The following MICALL2 variants were observed in gnomAD, a reference collection of about 807,000 sequenced individuals.
MICALL2 encodes the protein MICAL like 2, also known as MICAL-like protein 2.
In MICALL2, 111 loss-of-function variants were observed where a neutral mutation model predicts 91.1. The observed-to-expected ratio is 1.22, with a 90% CI of 1.04 to 1.43. MICALL2 has a LOEUF of 1.43. Ranked by LOEUF, MICALL2 falls within the 40% of genes most tolerant of loss-of-function variation. The pLI is 0.00. For missense variants in MICALL2, 1,556 were observed against 1,236.0 expected, an observed-to-expected ratio of 1.26 and a Z score of -3.88; for synonymous variants, 694 against 525.3, an observed-to-expected ratio of 1.32 and a Z score of -4.39.
rs1780740906 is a variant in MICALL2 at position 1,449,480 on chromosome 7, T to C, written c.193-719A>G. 2.0e-5 allele frequency among the ~76,000 whole-genome samples: 3 copies of C among 152,202 alleles called. No individual in the cohort carries two copies. In the South Asian group the frequency reaches 6.2e-4, roughly 31 times the overall value. ...GCGCACCACCACGCCCCACTAATTT[T>C]TGGTATTTTTAGTAGAGACGAGGTT... On this transcript the variant is annotated intron_variant, in intron 2 of 16. Transcript: ENST00000297508.
chr7:1,456,819 C>T (rs1305144486), intron 1 of MICALL2, among the ~76,000 whole-genome samples: 1 of 151,908 alleles, frequency 6.6e-6, no homozygotes, highest in African/African-American at 2.4e-5. Context: ...CATGTCCCCA[C>T]ACCCTGGTGC....
Position 1,446,790 on chromosome 7 carries a change from G to A in MICALL2, c.564C>T (p.Cys188=), listed in dbSNP as rs372113728. The A allele has an allele frequency of 1.0e-5, 16 of 1,606,122 alleles. No individual in the cohort carries two copies. The highest frequency in any genetic ancestry group is 6.7e-5 in the East Asian group (3 of 44,710). The change falls in exon 5 of 17, where the codon TGC becomes TGT. Residue 188 remains cysteine (C), a synonymous_variant. Transcript: ENST00000297508. ...GGTGCACGTGCTTGCCGCAGACCCC[G>A]CAGGTGCTGCTGACCAAGCTGCCCG... ...ALAGSLVSST[C]GVCGKHVHLV...
intron 15 of MICALL2, among the ~76,000 whole-genome samples, chr7:1,435,893 T>C (rs949255366): frequency 2.0e-5 from 3 of 150,706 alleles, no homozygotes; most frequent in Admixed American, 6.6e-5. Flanking sequence ...CTACTAAAAA[T>C]CTAAAAAAAT....
chr7:1,436,634 T>A, intron 15 of MICALL2, 108 bp downstream of exon 15: 18 of 624,598 alleles, frequency 2.9e-5, no homozygotes, highest in Non-Finnish European at 3.8e-5. Context: ...GCATAGACAA[T>A]AACCGCCTGG....
At position 1,439,007 on chromosome 7, in the gene MICALL2, T is replaced by C. The variant is rs1295925018; in HGVS notation, c.1967-12A>G. The stretch of plus-strand genomic sequence containing the variant: ...GGAGGGGGACCTGGCTGCCCCCAGG[T>C]GGGGAGACAGAGCCACGCTTCAGAG... On this transcript the variant is annotated splice_polypyrimidine_tract_variant and intron_variant, in intron 9 of 16. Coordinates refer to ENST00000297508, the MANE Select transcript of MICALL2 (RefSeq NM_182924.4). The C allele has an allele frequency of 6.3e-7, 1 of 1,584,982 alleles. No individual in the cohort carries two copies. Among genetic ancestry groups the C allele is most frequent in the Non-Finnish European group, 8.5e-7 (1 of 1,169,846 alleles).
chr7:1,448,741 C>T lies in MICALL2; in HGVS notation c.213G>A (p.Glu71=), dbSNP rs1368136572. 3 of 1,612,738 alleles carry T rather than the reference C, an allele frequency of 1.9e-6. No individual in the cohort carries two copies. The South Asian group carries it at 3.3e-5, about 18-fold the overall frequency. The change falls in exon 3 of 17, where the codon GAG becomes GAA. Residue 71 remains glutamate (E), a synonymous_variant. Transcript: ENST00000297508. ...NNKLAFRVAE[E]HLGIPALLDA... is the part of the protein sequence containing the mutation. ...CCAGCAAGGCTGGGATGCCCAAGTG[C>T]TCCTCGGCCACGCGGAAGGCCTGCG...
chr7:1,437,817 G>A (rs946176944), intron 13 of MICALL2, 73 bp downstream of exon 13: 8 of 1,411,982 alleles, frequency 5.7e-6, no homozygotes, highest in Non-Finnish European at 7.8e-6. Flanking sequence ...CTGCGCTCCT[G>A]TCCCCCGCCT....
intron 15 of MICALL2, 58 bp downstream of exon 15, chr7:1,436,684 G>T (rs984145851): frequency 1.2e-5 from 16 of 1,347,516 alleles, no homozygotes; most frequent in Non-Finnish European, 1.6e-5. Context: ...TGAGGGCCGG[G>T]AGCATGGACC....
chr7:1,437,187 G>T (rs991059330), intron 14 of MICALL2: 4 of 484,400 alleles, frequency 8.3e-6, no homozygotes, highest in Admixed American at 4.1e-5. Flanking sequence ...CTCAGCCAGG[G>T]CACCCTGCAT....
Position 1,444,830 on chromosome 7 carries a change from G to A in MICALL2, c.1240C>T (p.Gln414Ter), listed in dbSNP as rs776971291. ...TGGAAAAACTTATTCCGGGCCTGCT[G>A]GGTCCTGGAGGCGGACGGGGTCCAG... ...PAWTPSASRT[Q>*]QARNKFFQTS... is the part of the protein sequence containing the mutation. The change falls in exon 6 of 17, where the codon CAG becomes TAG. Residue 414 changes from glutamine to a stop codon, truncating the protein, a stop_gained. Coordinates refer to ENST00000297508, the MANE Select transcript of MICALL2 (RefSeq NM_182924.4). LOFTEE classifies it high-confidence loss of function. 4.8e-5 allele frequency: 77 copies of A among 1,609,280 alleles called. No homozygotes were observed. Among genetic ancestry groups the A allele is most frequent in the East Asian group, 6.7e-5 (3 of 44,836 alleles).
intron 9 of MICALL2, chr7:1,439,715 C>T: frequency 2.3e-6 from 1 of 439,794 alleles, no homozygotes; most frequent in Non-Finnish European, 3.9e-6. Flanking sequence ...TGGATACAGG[C>T]ATCACATACA....
chr7:1,453,748 T>A (rs373281457), intron 1 of MICALL2, among the ~76,000 whole-genome samples: 1 of 152,062 alleles, frequency 6.6e-6, no homozygotes, highest in Non-Finnish European at 1.5e-5. Context: ...AATCTTCTCT[T>A]ATTTGAAGCC....
intron 7 of MICALL2, 67 bp downstream of exon 7, chr7:1,442,125 T>C (rs1780311144): frequency 1.9e-6 from 3 of 1,550,566 alleles, no homozygotes; most frequent in Admixed American, 3.5e-5. Context: ...CACTGCAGAG[T>C]GCGGCCAGGG....
chr7:1,446,531 A>C, intron 5 of MICALL2, 182 bp downstream of exon 5: 1 of 499,194 alleles, frequency 2.0e-6, no homozygotes. Flanking sequence ...GGAGAAGGGG[A>C]GGAGAGGGGA....
intron 8 of MICALL2, 168 bp from the exon 9 acceptor site, chr7:1,440,253 A>C: frequency 1.3e-6 from 1 of 792,770 alleles, no homozygotes; most frequent in Non-Finnish European, 2.0e-6. Flanking sequence ...TCCTGCAAAC[A>C]CACGTGTCCA....
rs540128662 is a variant in MICALL2, at chr7:1,455,878, G to C, written c.143+3306C>G. 1.7e-4 allele frequency among the ~76,000 whole-genome samples: 26 copies of C among 152,028 alleles called. 1 individual carries two copies. The highest frequency in any genetic ancestry group is 3.5e-4 in the Non-Finnish European group (24 of 67,882). ...AAGGGGTCTTCACTGGAAGGAGAGG[G>C]GAATGAGGTGGCAAGGGCGGGGCCT... On this transcript the variant is annotated intron_variant, in intron 1 of 16. Coordinates refer to ENST00000297508, the MANE Select transcript of MICALL2 (RefSeq NM_182924.4).
intron 14 of MICALL2, 81 bp from the exon 15 acceptor site, chr7:1,436,937 C>T (rs906791870): frequency 1.8e-5 from 18 of 998,306 alleles, no homozygotes; most frequent in Admixed American, 3.4e-5. Context: ...ACCACCCAAG[C>T]GCCAGGCTCC....
chr7:1,441,479 G>C (rs1584208476), intron 7 of MICALL2: 1 of 153,028 alleles, frequency 6.5e-6, no homozygotes, highest in African/African-American at 2.4e-5. Flanking sequence ...CTAGAAGAAA[G>C]CTCGCTCCCT....
At chr7:1,435,638 G>A (rs1779932309) in intron 15 of MICALL2, among the ~76,000 whole-genome samples, 1 of 152,268 alleles carries the variant, frequency 6.6e-6, no homozygotes, top group Non-Finnish European at 1.5e-5. Context: ...TGGACTTCAG[G>A]TGCCGACCCA....
Sources: allele counts gnomAD v4.1 joint callset (sites outside exome capture counted in the v4.1 genomes callset), GRCh38; gene constraint gnomAD v4.1.1; transcripts MANE v1.5; gene names NCBI Gene and HGNC (gene_info 2026-07-23, HGNC 2026-07-21).